OGFR: variants seen among roughly 807,000 people sequenced by gnomAD.
OGFR encodes opioid growth factor receptor, also known as protein 7-60.
A neutral mutation model predicts 33.6 loss-of-function variants in OGFR; 18 were observed. The observed-to-expected ratio is 0.54, with a 90% CI of 0.37 to 0.80. OGFR has a LOEUF of 0.80. Among genes scored for constraint, OGFR ranks in the 30% least tolerant of loss-of-function variants. The probability of loss-of-function intolerance (pLI) is 0.00; values close to 1 mark genes in which losing one functional copy is unlikely to be tolerated. For synonymous variants in OGFR, 370 were observed against 400.7 expected, an observed-to-expected ratio of 0.92 and a Z score of 0.91; for missense variants, 877 against 955.8, an observed-to-expected ratio of 0.92 and a Z score of 1.09.
intron 5 of OGFR, 107 bp downstream of exon 5, chr20:62,810,672 T>G: frequency 9.7e-7 from 1 of 1,028,484 alleles, no homozygotes; most frequent in Non-Finnish European, 1.5e-6. Flanking sequence ...TGGTGCCCCC[T>G]CAGGGGTCCC....
rs1371957582 is a variant in OGFR, at chr20:62,808,256, G to C, written c.250G>C (p.Glu84Gln). The change falls in exon 3 of 7, where the codon GAA becomes CAA. Residue 84 changes from glutamate to glutamine, a missense_variant. Physicochemically the swap from Glu to Gln is conservative, Grantham distance 29. Transcript: ENST00000290291. ...TTCTCTGGCTCTTCAGGATCTGGTG[G>C]AACGAGACTGCAATGGGGACACGCC... ...RYRHNYPDLV[E>Q]RDCNGDTPNL... is the part of the protein sequence containing the mutation. 6.2e-7 allele frequency: 1 copy of C among 1,613,142 alleles called. No individual in the cohort carries two copies. The highest frequency in any genetic ancestry group is 1.1e-5 in the South Asian group (1 of 91,082).
chr20:62,811,817 C>T (rs1291777000), intron 6 of OGFR, among the ~76,000 whole-genome samples: 3 of 152,184 alleles, frequency 2.0e-5, no homozygotes, highest in African/African-American at 7.2e-5. Context: ...GAATGCTCTT[C>T]CTGCACCCAG....
chr20:62,808,448 C>T, intron 3 of OGFR, 123 bp downstream of exon 3: 2 of 720,686 alleles, frequency 2.8e-6, no homozygotes, highest in South Asian at 3.3e-5. Flanking sequence ...AATAGCCCCA[C>T]AGTGCCCCCT....
At chr20:62,810,624 C>T in intron 5 of OGFR, 59 bp downstream of exon 5, 1 of 1,535,472 alleles carries the variant, frequency 6.5e-7, no homozygotes, top group East Asian at 2.3e-5. Context: ...GCAAGCCACG[C>T]CGCTGCAGAG....
Position 62,812,689 on chromosome 20 carries a change from G to A in OGFR, c.1074G>A (p.Leu358=), listed in dbSNP as rs1990761821. ...TGGAGCCCCAGGATGCGGGACCCCT[G>A]GAGAGGAGCCAGGGGGATGAGGCAG... The part of the protein sequence containing the change: ...RSVEPQDAGP[L]ERSQGDEAGG... Residue 358 remains leucine, a synonymous_variant, in exon 7 of 7, where the codon CTG becomes CTA. Coordinates refer to ENST00000290291, the MANE Select transcript of OGFR (RefSeq NM_007346.4). 1 of 1,573,894 alleles carries A rather than the reference G, an allele frequency of 6.4e-7. No homozygotes were observed. The highest frequency in any genetic ancestry group is 1.4e-5 in the African/African-American group (1 of 73,934).
At chr20:62,811,412 A>G (rs942992418) in intron 5 of OGFR, 50 bp from the exon 6 acceptor site, 11 of 1,597,762 alleles carry the variant, frequency 6.9e-6, no homozygotes, top group Admixed American at 1.7e-5. Flanking sequence ...ACACTCAGGA[A>G]CCGGGGCTTC....
Position 62,808,277 on chromosome 20 carries a change from A to G in OGFR, c.271A>G (p.Thr91Ala). The change falls in exon 3 of 7, where the codon ACG (threonine) becomes GCG (alanine). Residue 91 changes from threonine to alanine, a missense_variant. Physicochemically the swap from Thr to Ala is moderately conservative, Grantham distance 58 (BLOSUM62 0). This residue lies in a region of OGFR where 760 missense variants were observed against 736.0 expected (regional missense o/e 1.03). Transcript: ENST00000290291. ...GGTGGAACGAGACTGCAATGGGGACACGCCAAACCTGAGTTTCTACAGAAA... is the reference window on the plus strand; with the variant it reads ...GGTGGAACGAGACTGCAATGGGGACGCGCCAAACCTGAGTTTCTACAGAAA... Reference protein sequence around the residue: ...DLVERDCNGDTPNLSFYRNEI... With the variant: ...DLVERDCNGDAPNLSFYRNEI... 1 of 1,613,502 alleles carries G rather than the reference A, an allele frequency of 6.2e-7. No individual in the cohort carries two copies. The highest frequency in any genetic ancestry group is 8.5e-7 in the Non-Finnish European group (1 of 1,179,926).
Position 62,813,729 on chromosome 20 carries a change from C to T in OGFR, c.*80C>T. The T allele has an allele frequency of 6.6e-7, 1 of 1,523,854 alleles. No individual in the cohort carries two copies. 94.4% of individuals were successfully genotyped at this position (1,523,854 alleles called of 1,614,324 possible). Reference sequence around the variant, plus strand: ...GGCCTCCGGAGCTGCTGCGGGCTCCCCTCAGGCTCTGCTTCGTGACCCGTG... The same window carrying T: ...GGCCTCCGGAGCTGCTGCGGGCTCCTCTCAGGCTCTGCTTCGTGACCCGTG... On this transcript the variant is annotated 3_prime_UTR_variant, in exon 7 of 7. Coordinates refer to ENST00000290291, the MANE Select transcript of OGFR (RefSeq NM_007346.4).
chr20:62,811,118 T>G (rs6011400), intron 5 of OGFR, among the ~76,000 whole-genome samples: 56,052 of 152,070 alleles, frequency 0.37, 10,850 homozygotes, highest in African/African-American at 0.43. Flanking sequence ...TCCCAGCACT[T>G]TGAGAGGCTG....
At chr20:62,808,170 T>C (rs761953876) in intron 2 of OGFR, 77 bp from the exon 3 acceptor site, 4 of 1,136,524 alleles carry the variant, frequency 3.5e-6, no homozygotes, top group Non-Finnish European at 5.4e-6. Flanking sequence ...CAGATGCGCC[T>C]CCCCGAAAGA....
In OGFR at chr20:62,804,864, A is replaced by G. The variant is rs1990543791; in HGVS notation, c.5A>G (p.Asp2Gly). The change falls in exon 1 of 7, where the codon GAC becomes GGC. Residue 2 changes from aspartate (D) to glycine (G), a missense_variant. Asp to Gly is a moderately conservative substitution (Grantham distance 94). Coordinates refer to ENST00000290291, the MANE Select transcript of OGFR (RefSeq NM_007346.4). M[D>G]DPDCDSTWEE... ...CGAGCCCCGCCGCCGCCGAGCATGG[A>G]CGACCCCGACTGCGACTCCACCTGG... 2 of 1,383,462 alleles carry G rather than the reference A, an allele frequency of 1.4e-6. No homozygotes were observed. The highest frequency in any genetic ancestry group is 1.3e-5 in the South Asian group (1 of 75,316). The allele number at this position is 1,383,462 out of a possible 1,614,324, so 85.7% of individuals were successfully genotyped here.
chr20:62,805,068 G>C (rs1298688309), intron 1 of OGFR, 38 bp downstream of exon 1: 1 of 1,282,722 alleles, frequency 7.8e-7, no homozygotes, highest in Non-Finnish European at 9.8e-7. Flanking sequence ...TGGGGTCCCC[G>C]GCGCCCCCCG....
At chr20:62,809,527 C>A in intron 3 of OGFR, 58 bp from the exon 4 acceptor site, 3 of 1,321,682 alleles carry the variant, frequency 2.3e-6, no homozygotes, top group South Asian at 1.2e-5. Flanking sequence ...CACACCCCGT[C>A]CTCCTGAGCA....
In OGFR at chr20:62,813,662, C is replaced by G; in HGVS notation, c.*13C>G. On this transcript the variant is annotated 3_prime_UTR_variant, in exon 7 of 7. Coordinates refer to ENST00000290291, the MANE Select transcript of OGFR (RefSeq NM_007346.4). Reference sequence around the variant, plus strand: ...TGGGAAGCCTTAAGGAAAGGAGTGCCCGTCGGCGTCTTGGTCCTCCTGTCC... The same window carrying G: ...TGGGAAGCCTTAAGGAAAGGAGTGCGCGTCGGCGTCTTGGTCCTCCTGTCC... 1 of 1,610,440 alleles carries G rather than the reference C, an allele frequency of 6.2e-7. No homozygotes were observed. The highest frequency in any genetic ancestry group is 8.5e-7 in the Non-Finnish European group (1 of 1,178,278).
chr20:62,810,328 A>G (rs1047331821), intron 4 of OGFR, among the ~76,000 whole-genome samples, 171 bp from the exon 5 acceptor site: 4 of 152,114 alleles, frequency 2.6e-5, no homozygotes, highest in African/African-American at 9.7e-5. Flanking sequence ...GGGCCCTTGC[A>G]CGCTCACCTG....
In OGFR at chr20:62,812,602, C is replaced by G. The variant is rs199543917; in HGVS notation, c.987C>G (p.Thr329=). The G allele has an allele frequency of 1.3e-6, 2 of 1,565,690 alleles. No homozygotes were observed. The highest frequency in any genetic ancestry group is 1.4e-5 in the African/African-American group (1 of 73,752). ...PDHEASTQGR[T]CGPEHSKGGG... ...ACGAGGCCAGCACCCAGGGTCGGAC[C>G]TGTGGGCCAGAGCATAGCAAGGGTG... The change falls in exon 7 of 7, where the codon ACC becomes ACG. Residue 329 remains threonine, a synonymous_variant. Coordinates refer to ENST00000290291, the MANE Select transcript of OGFR (RefSeq NM_007346.4).
intron 3 of OGFR, among the ~76,000 whole-genome samples, 194 bp downstream of exon 3, chr20:62,808,519 C>A (rs761676524): frequency 2.6e-5 from 4 of 152,068 alleles, no homozygotes; most frequent in Admixed American, 2.6e-4. Context: ...GTGTTTGGGT[C>A]GGGGTGGGCT....
chr20:62,811,100 G>A (rs139650235), intron 5 of OGFR, among the ~76,000 whole-genome samples: 136 of 152,346 alleles, frequency 8.9e-4, no homozygotes, highest in Non-Finnish European at 1.4e-3. Flanking sequence ...CGTGGCTCAC[G>A]TTTGTAATCC....
chr20:62,811,624 G>GCGGGGCCC lies in OGFR; in HGVS notation c.614+15_614+16insGGGGCCCC. ...GAACCTGAACTGGTGAGGCCCGGCT[G>GCGGGGCCC]CTCCCGCCCACCCCCACCCCGGCGC... is the stretch of plus-strand genomic sequence containing the variant. On this transcript the variant is annotated intron_variant, in intron 6 of 6. Transcript: ENST00000290291. 1.3e-6 allele frequency: 2 copies of GCGGGGCCC among 1,551,460 alleles called. No homozygotes were observed. The highest frequency in any genetic ancestry group is 1.7e-6 in the Non-Finnish European group (2 of 1,147,356).
Sources: gnomAD v4.1 joint callset for allele counts (sites outside exome capture counted in the v4.1 genomes callset) on GRCh38, gnomAD v4.1.1 for gene constraint, gnomAD v4.1.1 regional missense constraint, MANE v1.5 for transcripts, NCBI Gene and HGNC (gene_info 2026-07-23, HGNC 2026-07-21) for gene names.